CDH23: variants seen among roughly 807,000 people sequenced by gnomAD.
CDH23 encodes the protein cadherin-23.
Under a neutral mutation model 317.1 loss-of-function variants are expected in CDH23, and 189 were observed. That is an observed-to-expected ratio of 0.60 (90% CI 0.53 to 0.67). The LOEUF (loss-of-function observed/expected upper bound fraction) is 0.67. Ranked by LOEUF, CDH23 falls within the 30% of genes least tolerant of loss-of-function variation. The probability of loss-of-function intolerance (pLI) is 0.00; values close to 1 mark genes in which losing one functional copy is unlikely to be tolerated. For synonymous variants in CDH23, 1,839 were observed against 1,876.8 expected, an observed-to-expected ratio of 0.98 and a Z score of 0.52; for missense variants, 4,401 against 4,592.4, an observed-to-expected ratio of 0.96 and a Z score of 1.20.
At chr10:71,475,258 C>T (rs61852457) in intron 3 of CDH23, among the ~76,000 whole-genome samples, 11,160 of 152,234 alleles carry the variant, frequency 0.073, 638 homozygotes, top group East Asian at 0.28. Context: ...TGCCCAGGAG[C>T]GTCCCTGACC....
chr10:71,654,708 G>A (rs1211004095), intron 14 of CDH23, among the ~76,000 whole-genome samples: 2 of 152,112 alleles, frequency 1.3e-5, no homozygotes, highest in African/African-American at 4.8e-5. Context: ...GAGTGCAGCC[G>A]GACTGTGGCC....
intron 1 of CDH23, among the ~76,000 whole-genome samples, chr10:71,435,628 C>T (rs923831764): frequency 6.6e-6 from 1 of 152,172 alleles, no homozygotes; most frequent in East Asian, 1.9e-4. Context: ...AGCAGGAAGC[C>T]CAGCACAGAA....
intron 3 of CDH23, among the ~76,000 whole-genome samples, chr10:71,484,559 G>A (rs768687101): frequency 3.9e-5 from 6 of 152,196 alleles, no homozygotes; most frequent in Non-Finnish European, 8.8e-5. Flanking sequence ...TTTCAGCCGC[G>A]TGCAGGACTG....
chr10:71,619,509 A>T (rs367923956), intron 11 of CDH23, among the ~76,000 whole-genome samples: 7 of 152,322 alleles, frequency 4.6e-5, no homozygotes, highest in Non-Finnish European at 1.5e-5. Flanking sequence ...AGAAAGTCCC[A>T]TCTGTGGTTT....
intron 45 of CDH23, among the ~76,000 whole-genome samples, chr10:71,789,783 A>G (rs1841193410): frequency 6.6e-6 from 1 of 152,236 alleles, no homozygotes; most frequent in Non-Finnish European, 1.5e-5. Context: ...GCAGAGGCAC[A>G]CGAGTGCACA....
At chr10:71,515,394 T>TCTCTCTCTCTCTCACACACA (rs1491490493) in intron 6 of CDH23, among the ~76,000 whole-genome samples, 3 of 26,630 alleles carry the variant, frequency 1.1e-4, no homozygotes, top group African/African-American at 2.6e-4. Flanking sequence ...TCTCTCTCTC[T>TCTCTCTCTCTCTCACACACA]CACACACACA....
intron 6 of CDH23, among the ~76,000 whole-genome samples, chr10:71,531,968 A>G (rs1257940812): frequency 6.6e-6 from 1 of 152,194 alleles, no homozygotes; most frequent in Non-Finnish European, 1.5e-5. Flanking sequence ...AACGTTTCTC[A>G]GTCTTGTTCA....
intron 11 of CDH23, among the ~76,000 whole-genome samples, chr10:71,641,287 C>G (rs1862538470): frequency 6.6e-6 from 1 of 152,178 alleles, no homozygotes; most frequent in Non-Finnish European, 1.5e-5. Flanking sequence ...ATCTGCATTT[C>G]TTTTTAGAAC....
At chr10:71,589,335 G>A (rs1859303833) in intron 9 of CDH23, among the ~76,000 whole-genome samples, 1 of 152,188 alleles carries the variant, frequency 6.6e-6, no homozygotes, top group South Asian at 2.1e-4. Flanking sequence ...GGCCAGGCTG[G>A]TTTTGAATTC....
intron 19 of CDH23, among the ~76,000 whole-genome samples, chr10:71,689,077 CCAGGGGTGGTGGAGCCAGG>C (rs1865065710): frequency 6.4e-4 from 11 of 17,222 alleles, no homozygotes; most frequent in Admixed American, 6.6e-4. Flanking sequence ...GGTGGTGGAG[CCAGGGGTGGTGGAGCCAGG>C]GGTGGTGGAG....
At chr10:71,498,540 G>T (rs1268966827) in intron 3 of CDH23, among the ~76,000 whole-genome samples, 1 of 152,004 alleles carries the variant, frequency 6.6e-6, no homozygotes, top group Non-Finnish European at 1.5e-5. Context: ...GGTTCTTCTG[G>T]CTGCAGTGTT....
intron 18 of CDH23, among the ~76,000 whole-genome samples, chr10:71,684,582 T>C (rs1054060825): frequency 4.6e-5 from 7 of 152,216 alleles, no homozygotes; most frequent in Non-Finnish European, 8.8e-5. Context: ...TGCAAAATGG[T>C]GGTAATCGTG....
intron 8 of CDH23, among the ~76,000 whole-genome samples, chr10:71,572,565 C>A (rs1029134050): frequency 1.1e-4 from 16 of 152,166 alleles, no homozygotes; most frequent in African/African-American, 3.6e-4. Flanking sequence ...TCACCCTGGG[C>A]AGACCAGCAT....
intron 15 of CDH23, among the ~76,000 whole-genome samples, chr10:71,676,031 C>CT (rs1471912100): frequency 7.2e-6 from 1 of 139,692 alleles, no homozygotes; most frequent in African/African-American, 2.6e-5. Context: ...CCTCAGCCTC[C>CT]TGAGTAGCTG....
intron 32 of CDH23, among the ~76,000 whole-genome samples, chr10:71,733,690 G>A (rs1357259254): frequency 6.6e-6 from 1 of 152,154 alleles, no homozygotes; most frequent in Non-Finnish European, 1.5e-5. Flanking sequence ...ATAAATGCTG[G>A]GCTTCATTGC....
chr10:71,467,354 G>A (rs944502783), intron 3 of CDH23, among the ~76,000 whole-genome samples: 11 of 152,184 alleles, frequency 7.2e-5, no homozygotes, highest in African/African-American at 2.7e-4. Flanking sequence ...CAGATGGCTG[G>A]GCCCGATCCT....
chr10:71,529,941 C>A (rs1855264355), intron 6 of CDH23, among the ~76,000 whole-genome samples: 1 of 151,976 alleles, frequency 6.6e-6, no homozygotes, highest in African/African-American at 2.4e-5. Context: ...ACCCACCCAC[C>A]CCAGCCTGCA....
intron 2 of CDH23, among the ~76,000 whole-genome samples, chr10:71,440,864 G>A (rs1234321048): frequency 6.6e-6 from 1 of 152,166 alleles, no homozygotes; most frequent in Non-Finnish European, 1.5e-5. Context: ...ACATTCCTGT[G>A]GGGGGCCAGC....
At position 71,814,558 on chromosome 10, in the gene CDH23, C is replaced by G. The variant is rs377617318; in HGVS notation, c.9739-394C>G. Among the ~76,000 whole-genome samples, 70 of 152,332 alleles carry G rather than the reference C, an allele frequency of 4.6e-4. No homozygotes were observed. The South Asian group carries it at 6.6e-3, about 14-fold the overall frequency. On this transcript the variant is annotated intron_variant, in intron 69 of 69. Transcript: ENST00000224721. ...CCTGTAATCCCACCTACGTGGGAGGCTGAGGCCGGAGAATCACTTGAAGTC... is the reference window on the plus strand; with the variant it reads ...CCTGTAATCCCACCTACGTGGGAGGGTGAGGCCGGAGAATCACTTGAAGTC...
Sources: allele counts gnomAD v4.1 joint callset (sites outside exome capture counted in the v4.1 genomes callset), GRCh38; gene constraint gnomAD v4.1.1; transcripts MANE v1.5; gene names NCBI Gene and HGNC (gene_info 2026-07-23, HGNC 2026-07-21).